SAAL1: variants seen among roughly 807,000 people sequenced by gnomAD.
The protein encoded by SAAL1 is protein SAAL1.
SAAL1 carries 42 observed loss-of-function variants against 59.8 expected under a neutral mutation model. The ratio of observed to expected loss-of-function variants is 0.70; its 90% CI spans 0.55 to 0.91. SAAL1 has a LOEUF of 0.91. Ranked by LOEUF, SAAL1 falls within the 40% of genes least tolerant of loss-of-function variation. The probability of loss-of-function intolerance (pLI) is 0.00; values close to 1 mark genes in which losing one functional copy is unlikely to be tolerated. For synonymous variants in SAAL1, 191 were observed against 194.3 expected (o/e 0.98, Z 0.14); for missense variants, 542 against 561.1 (o/e 0.97, Z 0.34).
At chr11:18,100,547 T>C (rs1848623957) in intron 2 of SAAL1, among the ~76,000 whole-genome samples, 1 of 152,274 alleles carries the variant, frequency 6.6e-6, no homozygotes, top group Admixed American at 6.5e-5. Context: ...CTGGCCAACA[T>C]GGCAAAACCC....
rs760090421 is a variant in SAAL1, at chr11:18,090,128, T to C, written c.589+47A>G. On this transcript the variant is annotated intron_variant, in intron 6 of 11. Transcript: ENST00000524803. ...AATAGTTACATGGTTTCCTAAAAATTAGATACAATTTAAAACATTTTTTTT... is the reference window on the plus strand; with the variant it reads ...AATAGTTACATGGTTTCCTAAAAATCAGATACAATTTAAAACATTTTTTTT... 5.8e-5 allele frequency: 86 copies of C among 1,476,758 alleles called. 1 individual carries two copies. The highest frequency in any genetic ancestry group is 7.6e-5 in the Non-Finnish European group (84 of 1,103,416). 91.5% of individuals were successfully genotyped at this position (1,476,758 alleles called of 1,614,324 possible). A position where few individuals can be genotyped will look rare whatever the true frequency, so the allele number is the denominator to read the frequency against.
Position 18,105,976 on chromosome 11 carries a change from A to G in SAAL1, c.66T>C (p.Gly22=). The G allele has an allele frequency of 6.2e-7, 1 of 1,609,310 alleles. No individual in the cohort carries two copies. The highest frequency in any genetic ancestry group is 8.5e-7 in the Non-Finnish European group (1 of 1,178,732). Residue 22 remains glycine, a synonymous_variant, in exon 1 of 12, where the codon GGT becomes GGC. Transcript: ENST00000524803. Reference sequence around the variant, plus strand: ...AGACCGTGCTCCCTATGCAGTCTCCACCGGCCACCTCCTCCTCCTCCTCCT... The same window carrying G: ...AGACCGTGCTCCCTATGCAGTCTCCGCCGGCCACCTCCTCCTCCTCCTCCT... ...RDKEEEEEVA[G]GDCIGSTVYS...
Position 18,083,620 on chromosome 11 carries a change from T to C in SAAL1, c.1154A>G (p.Asp385Gly), listed in dbSNP as rs756085451. 52 of 1,607,598 alleles carry C rather than the reference T, an allele frequency of 3.2e-5. No individual in the cohort carries two copies. In the South Asian group the frequency reaches 3.9e-4, roughly 12 times the overall value. Reference sequence around the variant, plus strand: ...CAAGTGGAAATCATCTTGGGTTAAATCAGTCCTTTTAGTTTCCTCTGTGTT... The same window carrying C: ...CAAGTGGAAATCATCTTGGGTTAAACCAGTCCTTTTAGTTTCCTCTGTGTT... Reference protein sequence around the residue: ...ESNTEETKRTDLTQDDFHLKI... With the variant: ...ESNTEETKRTGLTQDDFHLKI... Residue 385 changes from aspartate to glycine, a missense_variant, in exon 10 of 12, where the codon GAT becomes GGT. Physicochemically the swap from Asp to Gly is moderately conservative, Grantham distance 94. Transcript: ENST00000524803.
At chr11:18,102,968 T>C (rs1242828887) in intron 2 of SAAL1, among the ~76,000 whole-genome samples, 1 of 152,206 alleles carries the variant, frequency 6.6e-6, no homozygotes, top group African/African-American at 2.4e-5. Context: ...GTATCAGAAC[T>C]TTCCCGGCCT....
chr11:18,102,455 T>G (rs1028748943), intron 2 of SAAL1, among the ~76,000 whole-genome samples: 1 of 151,508 alleles, frequency 6.6e-6, no homozygotes, highest in African/African-American at 2.4e-5. Flanking sequence ...AGTTTTTTGG[T>G]GTTAATTATA....
chr11:18,097,038 C>G (rs568801985), intron 2 of SAAL1, among the ~76,000 whole-genome samples, 184 bp from the exon 3 acceptor site: 1 of 151,988 alleles, frequency 6.6e-6, no homozygotes, highest in Non-Finnish European at 1.5e-5. Flanking sequence ...GAGTTCAAGA[C>G]CAGCTGGGCA....
intron 7 of SAAL1, 144 bp downstream of exon 7, chr11:18,089,186 A>C: frequency 1.6e-6 from 1 of 644,924 alleles, no homozygotes; most frequent in South Asian, 3.2e-5. Context: ...AGGTTGCATC[A>C]CAAATAGTAG....
At chr11:18,094,665 G>T (rs954940666) in intron 3 of SAAL1, among the ~76,000 whole-genome samples, 2 of 152,032 alleles carry the variant, frequency 1.3e-5, no homozygotes, top group African/African-American at 4.8e-5. Context: ...GTATAAAAAA[G>T]GAAGAAAGAA....
chr11:18,088,700 T>C (rs1010583173), intron 7 of SAAL1, among the ~76,000 whole-genome samples: 1 of 152,178 alleles, frequency 6.6e-6, no homozygotes, highest in African/African-American at 2.4e-5. Context: ...AGGATAATGA[T>C]TACATCATTT....
chr11:18,101,555 C>T (rs748240571), intron 2 of SAAL1, among the ~76,000 whole-genome samples: 2 of 152,148 alleles, frequency 1.3e-5, no homozygotes, highest in Non-Finnish European at 2.9e-5. Context: ...TGAGGCCTCC[C>T]CAGCCATACT....
intron 2 of SAAL1, among the ~76,000 whole-genome samples, chr11:18,101,998 A>G (rs1848638926): frequency 6.6e-6 from 1 of 152,180 alleles, no homozygotes; most frequent in South Asian, 2.1e-4. Context: ...GGATGGAGGA[A>G]TGGAGAGGCA....
intron 3 of SAAL1, among the ~76,000 whole-genome samples, chr11:18,093,276 T>C (rs1178116024): frequency 6.6e-6 from 1 of 152,188 alleles, no homozygotes; most frequent in Non-Finnish European, 1.5e-5. Context: ...GTGCTTTCTT[T>C]ACATGAAAAG....
At chr11:18,100,550 C>A (rs1453045224) in intron 2 of SAAL1, among the ~76,000 whole-genome samples, 1 of 152,060 alleles carries the variant, frequency 6.6e-6, no homozygotes, top group Non-Finnish European at 1.5e-5. Flanking sequence ...GCCAACATGG[C>A]AAAACCCCAT....
At chr11:18,096,279 T>C (rs1848575384) in intron 3 of SAAL1, among the ~76,000 whole-genome samples, 1 of 151,564 alleles carries the variant, frequency 6.6e-6, no homozygotes, top group Non-Finnish European at 1.5e-5. Flanking sequence ...AAATTATTAA[T>C]AATTTAATAT....
intron 7 of SAAL1, 95 bp from the exon 8 acceptor site, chr11:18,087,320 G>T: frequency 3.8e-6 from 3 of 781,776 alleles, no homozygotes; most frequent in East Asian, 2.7e-5. Context: ...TACTCTGCCA[G>T]CCACTGTTCA....
intron 2 of SAAL1, among the ~76,000 whole-genome samples, chr11:18,099,364 T>C (rs554078616): frequency 5.9e-5 from 9 of 152,332 alleles, no homozygotes; most frequent in East Asian, 3.9e-4. Context: ...AAAAACCTAA[T>C]AGGCACTGTT....
chr11:18,100,012 T>C (rs1212329620), intron 2 of SAAL1, among the ~76,000 whole-genome samples: 1 of 152,212 alleles, frequency 6.6e-6, no homozygotes, highest in African/African-American at 2.4e-5. Flanking sequence ...GAACATGACT[T>C]TGCCCTGCAC....
At chr11:18,105,666 G>T (rs1017148289) in intron 1 of SAAL1, among the ~76,000 whole-genome samples, 1 of 152,166 alleles carries the variant, frequency 6.6e-6, no homozygotes, top group Non-Finnish European at 1.5e-5. Context: ...AAATAGAACG[G>T]CAAGTATTTC....
intron 9 of SAAL1, among the ~76,000 whole-genome samples, chr11:18,086,422 G>A (rs1848463955): frequency 1.3e-5 from 2 of 152,226 alleles, no homozygotes; most frequent in South Asian, 4.1e-4. Flanking sequence ...AAACAGGCCA[G>A]GTGGGGTGGC....
Sources: allele counts gnomAD v4.1 joint callset (sites outside exome capture counted in the v4.1 genomes callset), GRCh38; gene constraint gnomAD v4.1.1; transcripts MANE v1.5; gene names NCBI Gene and HGNC (gene_info 2026-07-23, HGNC 2026-07-21).